NEB: variants seen among roughly 807,000 people sequenced by gnomAD.
NEB encodes the protein nebulin.
Under a neutral mutation model 952.2 loss-of-function variants are expected in NEB, and 512 were observed. The observed-to-expected ratio is 0.54, with a 90% CI of 0.50 to 0.58. The LOEUF (loss-of-function observed/expected upper bound fraction) is 0.58, where lower values mean the gene tolerates loss of function less well. NEB is among the 20% of genes least tolerant of loss of function. NEB has a pLI of 0.00. For missense variants in NEB, 8,428 were observed against 9,231.1 expected, an observed-to-expected ratio of 0.91 and a Z score of 3.56; for synonymous variants, 2,900 against 3,149.8, an observed-to-expected ratio of 0.92 and a Z score of 2.66.
chr2:151,675,278 C>T lies in NEB; in HGVS notation c.3879+9G>A, dbSNP rs2099350792. 2 of 1,538,334 alleles carry T rather than the reference C, an allele frequency of 1.3e-6. No homozygotes were observed. Among genetic ancestry groups the T allele is most frequent in the Non-Finnish European group, 1.8e-6 (2 of 1,124,686 alleles). Reference sequence around the variant, plus strand: ...CCGAATTTCACATCCCAGCAAAGACCCTACTTACGTCACTTATATTGTAAG... The same window carrying T: ...CCGAATTTCACATCCCAGCAAAGACTCTACTTACGTCACTTATATTGTAAG... On this transcript the variant is annotated intron_variant, in intron 35 of 181. Coordinates refer to ENST00000397345, the MANE Select transcript of NEB (RefSeq NM_001164508.2).
chr2:151,552,548 C>G (rs900271187), intron 128 of NEB, 124 bp downstream of exon 128: 1 of 644,054 alleles, frequency 1.6e-6, no homozygotes, highest in Admixed American at 2.6e-5. Context: ...CTTTCAAACG[C>G]ACCAACTCTG....
Position 151,727,901 on chromosome 2 carries a change from T to C in NEB, c.84A>G (p.Ile28Met). ...TTGTCGTAGTCTCATAAATTTTTGT[T>C]ATTGTCTGAAAATTTGATATGCAGT... The part of the protein sequence containing the change: ...VVYEEVPGET[I>M]TKIYETTTTR... The change falls in exon 5 of 182, where the codon ATA becomes ATG. Residue 28 changes from isoleucine (I) to methionine (M), a missense_variant. This residue lies in a region of NEB where 2,851 missense variants were observed against 2,791.5 expected (regional missense o/e 1.02). Coordinates refer to ENST00000397345, the MANE Select transcript of NEB (RefSeq NM_001164508.2). 1 of 1,612,528 alleles carries C rather than the reference T, an allele frequency of 6.2e-7. No individual in the cohort carries two copies. Among genetic ancestry groups the C allele is most frequent in the Non-Finnish European group, 8.5e-7 (1 of 1,179,150 alleles).
intron 60 of NEB, among the ~76,000 whole-genome samples, chr2:151,641,980 C>T (rs2098864198): frequency 6.6e-6 from 1 of 152,096 alleles, no homozygotes; most frequent in African/African-American, 2.4e-5. Flanking sequence ...CATCCTATGA[C>T]AGGCCCCAGT....
intron 12 of NEB, among the ~76,000 whole-genome samples, chr2:151,707,337 T>G (rs1466249046): frequency 6.6e-6 from 1 of 152,150 alleles, no homozygotes; most frequent in African/African-American, 2.4e-5. Context: ...ATCCAAATAG[T>G]GATCATGCAT....
At chr2:151,566,876 A>G (rs2096424555) in intron 114 of NEB, among the ~76,000 whole-genome samples, 2 of 152,186 alleles carry the variant, frequency 1.3e-5, no homozygotes, top group Non-Finnish European at 1.5e-5. Flanking sequence ...ATCAGCTGAT[A>G]CTTTTCTATG....
intron 105 of NEB, among the ~76,000 whole-genome samples, chr2:151,577,062 T>C (rs918685902): frequency 1.3e-5 from 2 of 152,174 alleles, no homozygotes; most frequent in African/African-American, 4.8e-5. Flanking sequence ...ATCATACCAT[T>C]ACCAATGCAG....
At chr2:151,562,330 C>A in intron 120 of NEB, 116 bp from the exon 121 acceptor site, 1 of 910,554 alleles carries the variant, frequency 1.1e-6, no homozygotes, top group Non-Finnish European at 1.8e-6. Context: ...ATAGGGTAGG[C>A]CTCTCACCAG....
At position 151,515,000 on chromosome 2, in the gene NEB, GA is replaced by G. The variant is rs969597614; in HGVS notation, c.22906-73del. The G allele has an allele frequency of 1.5e-3, 1,216 of 835,748 alleles. 3 individuals carry two copies. Among genetic ancestry groups the G allele is most frequent in the East Asian group, 2.7e-3 (89 of 32,434 alleles). The allele number at this position is 835,748 out of a possible 1,614,324, so 51.8% of individuals were successfully genotyped here. On this transcript the variant is annotated intron_variant, in intron 157 of 181. Coordinates refer to ENST00000397345, the MANE Select transcript of NEB (RefSeq NM_001164508.2). ...ACAATATATCTCTCCATCTCAGGAA[GA>G]AAAAAAAAACAGCATTTTCTATGTA...
Position 151,628,155 on chromosome 2 carries a change from G to A in NEB, c.9832-321C>T, listed in dbSNP as rs73007929. Among the ~76,000 whole-genome samples the A allele has an allele frequency of 3.6e-3, 548 of 152,242 alleles. 3 individuals carry two copies. The highest frequency in any genetic ancestry group is 0.012 in the African/African-American group (508 of 41,548). On this transcript the variant is annotated intron_variant, in intron 68 of 181. Transcript: ENST00000397345. ...GAAAATAAAGGAAGCAACACTTTCCGGAAGATCTTTCGGTACTGTGTACTG... is the reference window on the plus strand; with the variant it reads ...GAAAATAAAGGAAGCAACACTTTCCAGAAGATCTTTCGGTACTGTGTACTG...
chr2:151,514,322 T>C lies in NEB; in HGVS notation c.23123A>G (p.Asn7708Ser). The C allele has an allele frequency of 1.2e-6, 2 of 1,606,168 alleles. No individual in the cohort carries two copies. The highest frequency in any genetic ancestry group is 1.7e-6 in the Non-Finnish European group (2 of 1,172,792). Residue 7708 changes from asparagine (N) to serine (S), a missense_variant, in exon 159 of 182, where the codon AAT becomes AGT. Asn to Ser is a conservative substitution (Grantham distance 46). Transcript: ENST00000397345. Reference sequence around the variant, plus strand: ...GGCAGTCAGCTGTGGGCCTACCTCATTGAGGATTTGAGTGGCATTCTTTGC... The same window carrying C: ...GGCAGTCAGCTGTGGGCCTACCTCACTGAGGATTTGAGTGGCATTCTTTGC... ...LRAKNATQILNEKEYKRDLEL... is the reference protein window; with the variant it reads ...LRAKNATQILSEKEYKRDLEL...
chr2:151,726,010 T>C (rs1020377677), intron 5 of NEB, among the ~76,000 whole-genome samples: 1 of 152,198 alleles, frequency 6.6e-6, no homozygotes, highest in Non-Finnish European at 1.5e-5. Context: ...TAATGGCAGA[T>C]CTGAATTATA....
Position 151,496,975 on chromosome 2 carries a change from T to A in NEB, c.24359A>T (p.Glu8120Val). The part of the protein sequence containing the change: ...GTPLPVTPEM[E>V]RVKHNQENIS... ...ATTTTCTTGATTGTGTTTGACTCTCTCCATCTCAGGAGTGACAGGTAGAGG... is the reference window on the plus strand; with the variant it reads ...ATTTTCTTGATTGTGTTTGACTCTCACCATCTCAGGAGTGACAGGTAGAGG... Residue 8120 changes from glutamate (E) to valine (V), a missense_variant, in exon 172 of 182, where the codon GAG becomes GTG. Coordinates refer to ENST00000397345, the MANE Select transcript of NEB (RefSeq NM_001164508.2). 1 of 1,581,408 alleles carries A rather than the reference T, an allele frequency of 6.3e-7. No homozygotes were observed. The highest frequency in any genetic ancestry group is 8.6e-7 in the Non-Finnish European group (1 of 1,161,494).
chr2:151,563,635 A>C lies in NEB; in HGVS notation c.18664T>G (p.Cys6222Gly), dbSNP rs2096224277. 6.2e-7 allele frequency: 1 copy of C among 1,613,762 alleles called. No homozygotes were observed. The highest frequency in any genetic ancestry group is 1.3e-5 in the African/African-American group (1 of 74,912). The part of the protein sequence containing the change: ...VIGEFPGVVH[C>G]LDFQKMRSAL... ...CTCCTCATCTTTTGGAAATCCAGAC[A>C]GTGAACCACACCAGGGAATTCACCG... Residue 6222 changes from cysteine (C) to glycine (G), a missense_variant, in exon 119 of 182, where the codon TGT becomes GGT. Physicochemically the swap from Cys to Gly is radical, Grantham distance 159. Coordinates refer to ENST00000397345, the MANE Select transcript of NEB (RefSeq NM_001164508.2).
intron 38 of NEB, among the ~76,000 whole-genome samples, chr2:151,670,232 T>C (rs1437072796): frequency 2.0e-5 from 3 of 152,226 alleles, no homozygotes; most frequent in East Asian, 1.9e-4. Context: ...CTAAAATCCA[T>C]AGATCTTCAA....
chr2:151,614,495 A>G lies in NEB; in HGVS notation c.11382T>C (p.His3794=), dbSNP rs757438945. 5.0e-6 allele frequency: 8 copies of G among 1,613,772 alleles called. No homozygotes were observed. Among genetic ancestry groups the G allele is most frequent in the East Asian group, 2.2e-5 (1 of 44,880 alleles). Residue 3794 remains histidine, a synonymous_variant, in exon 77 of 182, where the codon CAT becomes CAC. Coordinates refer to ENST00000397345, the MANE Select transcript of NEB (RefSeq NM_001164508.2). ...CCCTGTCACTCTGGATCTTGGCCAC[A>G]TGGATGGACCACATCATCTTCGGGT... ...KDDPKMMWSI[H]VAKIQSDREY... is the part of the protein sequence containing the mutation.
chr2:151,634,112 A>C, intron 64 of NEB, 147 bp from the exon 65 acceptor site: 2 of 949,542 alleles, frequency 2.1e-6, no homozygotes, highest in East Asian at 5.2e-5. Flanking sequence ...TCATCCTGGA[A>C]GCCCTTACAG....
intron 62 of NEB, 51 bp downstream of exon 62, chr2:151,639,806 G>C: frequency 7.0e-7 from 1 of 1,437,162 alleles, no homozygotes; most frequent in Non-Finnish European, 9.5e-7. Flanking sequence ...TTTCTTTTTT[G>C]TTGATTCAGC....
Position 151,733,167 on chromosome 2 carries a change from T to C in NEB, c.-11A>G. The C allele has an allele frequency of 1.9e-6, 3 of 1,602,828 alleles. No individual in the cohort carries two copies. The highest frequency in any genetic ancestry group is 1.1e-5 in the South Asian group (1 of 88,944). ...TTCGTCATCTGCCATTTTTCCAGAG[T>C]AGTAGTGGCACCTACAAACTTTTCA... On this transcript the variant is annotated 5_prime_UTR_variant, in exon 3 of 182. Transcript: ENST00000397345.
At chr2:151,512,030 T>C (rs1039097677) in intron 161 of NEB, among the ~76,000 whole-genome samples, 1,709 of 133,454 alleles carry the variant, frequency 0.013, 28 homozygotes, top group Middle Eastern at 0.03. Context: ...TTTTTTTTTT[T>C]TTTTTTTTTT....
Sources: allele counts gnomAD v4.1 joint callset (sites outside exome capture counted in the v4.1 genomes callset), GRCh38; gene constraint gnomAD v4.1.1; regional missense constraint gnomAD v4.1.1; transcripts MANE v1.5; gene names NCBI Gene and HGNC (gene_info 2026-07-23, HGNC 2026-07-21).